SLC38A1: variants seen among roughly 807,000 people sequenced by gnomAD.
The protein encoded by SLC38A1 is sodium-coupled neutral amino acid symporter 1.
A neutral mutation model predicts 60.3 loss-of-function variants in SLC38A1; 18 were observed. That is an observed-to-expected ratio of 0.30 (90% CI 0.21 to 0.44). SLC38A1 has a LOEUF of 0.44. SLC38A1 is among the 20% of genes least tolerant of loss of function. SLC38A1 has a pLI of 1.00. For synonymous variants in SLC38A1, 196 were observed against 212.1 expected (o/e 0.92, Z 0.66); for missense variants, 448 against 587.2 (o/e 0.76, Z 2.45).
At chr12:46,225,238 A>G (rs1243763594) in intron 5 of SLC38A1, among the ~76,000 whole-genome samples, 1 of 152,210 alleles carries the variant, frequency 6.6e-6, no homozygotes, top group Non-Finnish European at 1.5e-5. Context: ...GTTGGGGATA[A>G]TGGAAGGGGT....
In SLC38A1 at chr12:46,268,378, A is replaced by G. The variant is rs964782451; in HGVS notation, c.-209+148T>C. 3.9e-5 allele frequency: 6 copies of G among 152,492 alleles called. No individual in the cohort carries two copies. Among genetic ancestry groups the G allele is most frequent in the South Asian group, 2.0e-4 (1 of 4,894 alleles). 9.4% of individuals were successfully genotyped at this position (152,492 alleles called of 1,614,324 possible). On this transcript the variant is annotated intron_variant, in intron 1 of 16. Transcript: ENST00000398637. The surrounding 1 kb of genome is among the most constrained non-coding windows in gnomAD (Gnocchi z 4.4). Reference sequence around the variant, plus strand: ...AGGAGACCTGGACTTTTCCTCTCCTAAAAGCAACATCCGAAAGCATCGGGC... The same window carrying G: ...AGGAGACCTGGACTTTTCCTCTCCTGAAAGCAACATCCGAAAGCATCGGGC...
At chr12:46,250,831 C>A (rs1011568980) in intron 1 of SLC38A1, among the ~76,000 whole-genome samples, 1 of 152,020 alleles carries the variant, frequency 6.6e-6, no homozygotes, top group South Asian at 2.1e-4. Context: ...TACTGCTCAA[C>A]GAAATAAAAG....
intron 16 of SLC38A1, among the ~76,000 whole-genome samples, chr12:46,190,209 T>C (rs980749379): frequency 2.0e-5 from 3 of 152,196 alleles, no homozygotes; most frequent in African/African-American, 7.2e-5. Flanking sequence ...GTCCTTGTGA[T>C]AGTTTGCTTA....
intron 9 of SLC38A1, among the ~76,000 whole-genome samples, chr12:46,205,380 A>C (rs1170459265): frequency 6.6e-6 from 1 of 152,216 alleles, no homozygotes; most frequent in African/African-American, 2.4e-5. Flanking sequence ...ACTAAGGCTC[A>C]TAATTATTGT....
At position 46,187,780 on chromosome 12, in the gene SLC38A1, G is replaced by C. The variant is rs1230455176; in HGVS notation, c.*1190C>G. The C allele has an allele frequency of 8.7e-6, 1 of 115,316 alleles. No homozygotes were observed. Among genetic ancestry groups the C allele is most frequent in the Non-Finnish European group, 1.8e-5 (1 of 56,228 alleles). The allele number at this position is 115,316 out of a possible 1,614,324, so 7.1% of individuals were successfully genotyped here. ...AGCTCTTCACAAAGACTATCTCTGA[G>C]GGTTTTTTTTTTTTTTTTTTCACAA... On this transcript the variant is annotated 3_prime_UTR_variant, in exon 17 of 17. Coordinates refer to ENST00000398637, the MANE Select transcript of SLC38A1 (RefSeq NM_030674.4).
chr12:46,245,352 T>A (rs1158557508), intron 1 of SLC38A1, among the ~76,000 whole-genome samples: 2 of 152,302 alleles, frequency 1.3e-5, no homozygotes, highest in South Asian at 2.1e-4. Flanking sequence ...GCCACAAGTA[T>A]GTGAAAAGGT....
chr12:46,198,481 C>CCGAG (rs1412009568), intron 14 of SLC38A1, 144 bp downstream of exon 14: 4 of 587,756 alleles, frequency 6.8e-6, no homozygotes, highest in Non-Finnish European at 8.9e-6. Flanking sequence ...AGAGCCTGAA[C>CCGAG]CGAGTCTTGG....
chr12:46,227,066 A>G (rs548539739), intron 5 of SLC38A1, among the ~76,000 whole-genome samples: 96 of 152,296 alleles, frequency 6.3e-4, no homozygotes, highest in African/African-American at 2.2e-3. Context: ...AAAAAAATTA[A>G]CAAAACCTGG....
At chr12:46,239,482 C>G (rs1941369369) in intron 3 of SLC38A1, 197 bp downstream of exon 3, 1 of 456,848 alleles carries the variant, frequency 2.2e-6, no homozygotes. Flanking sequence ...GCACCACATG[C>G]CTGGCTAATT....
rs1939464183 is a variant in SLC38A1, at chr12:46,197,987, AT to A, written c.1195del (p.Ile399TyrfsTer10). ...NLCRHTVVTC[I>X]LLVVINLLVI... ...CAACAAGTTGATAACAACCAAGAGT[AT>A]GCAGGTAACCACGGTATGACGACAT... On this transcript the variant is annotated frameshift_variant, in exon 15 of 17. Transcript: ENST00000398637. LOFTEE classifies it high-confidence loss of function. 6.2e-7 allele frequency: 1 copy of A among 1,613,956 alleles called. No homozygotes were observed. Among genetic ancestry groups the A allele is most frequent in the Non-Finnish European group, 8.5e-7 (1 of 1,179,956 alleles).
At chr12:46,265,206 A>G (rs1479235405) in intron 1 of SLC38A1, among the ~76,000 whole-genome samples, 1 of 152,242 alleles carries the variant, frequency 6.6e-6, no homozygotes, top group East Asian at 1.9e-4. Flanking sequence ...TAGCAAAAGA[A>G]AAAACTGAGG....
At chr12:46,198,524 G>C in intron 14 of SLC38A1, 101 bp downstream of exon 14, 1 of 749,392 alleles carries the variant, frequency 1.3e-6, no homozygotes, top group Non-Finnish European at 2.2e-6. Context: ...AATAACCCAG[G>C]AAAGTTACCT....
chr12:46,189,114 A>G (rs1939035693), intron 16 of SLC38A1, 43 bp from the exon 17 acceptor site: 1 of 1,493,992 alleles, frequency 6.7e-7, no homozygotes, highest in Non-Finnish European at 9.3e-7. Context: ...GTGCAGCAAA[A>G]TTTTTCCACA....
rs111672594 is a variant in SLC38A1, at chr12:46,238,426, G to A, written c.122+1253C>T. On this transcript the variant is annotated intron_variant, in intron 3 of 16. Transcript: ENST00000398637. ...AATCACATACTTTATCAGAATGTAGGCCATCAGAAATGATTTCTACAAAGA... is the reference window on the plus strand; with the variant it reads ...AATCACATACTTTATCAGAATGTAGACCATCAGAAATGATTTCTACAAAGA... 1.6e-3 allele frequency among the ~76,000 whole-genome samples: 246 copies of A among 152,244 alleles called. 1 individual carries two copies. Among genetic ancestry groups the A allele is most frequent in the African/African-American group, 5.5e-3 (227 of 41,530 alleles).
rs1044615991 is a variant in SLC38A1 at position 46,268,630 on chromosome 12, G to A, written c.-313C>T. On this transcript the variant is annotated 5_prime_UTR_variant, in exon 1 of 17. Transcript: ENST00000398637. The surrounding 1 kb of genome is among the most constrained non-coding windows in gnomAD (Gnocchi z 4.4). ...ATGTCCTTTGTGTCAAGGTCTGGCT[G>A]CGGAGGCCGGGAAAATGTGGCCCCC... The A allele has an allele frequency of 1.3e-5, 3 of 237,522 alleles. No homozygotes were observed. The highest frequency in any genetic ancestry group is 6.8e-5 in the African/African-American group (3 of 44,054). 14.7% of individuals were successfully genotyped at this position (237,522 alleles called of 1,614,324 possible). A position where few individuals can be genotyped will look rare whatever the true frequency, so the allele number is the denominator to read the frequency against.
intron 5 of SLC38A1, among the ~76,000 whole-genome samples, chr12:46,210,953 C>T (rs1057102908): frequency 5.3e-5 from 8 of 152,080 alleles, no homozygotes; most frequent in African/African-American, 1.4e-4. Context: ...ATGTGAGAAA[C>T]GGACAGCAAG....
intron 1 of SLC38A1, among the ~76,000 whole-genome samples, chr12:46,256,939 C>T (rs1942050255): frequency 6.6e-6 from 1 of 152,082 alleles, no homozygotes; most frequent in Admixed American, 6.6e-5. Context: ...CATGTGGTGT[C>T]TGGGTAAGAT....
intron 5 of SLC38A1, among the ~76,000 whole-genome samples, chr12:46,212,041 A>T (rs183109519): frequency 1.0e-3 from 155 of 152,370 alleles, no homozygotes; most frequent in African/African-American, 3.6e-3. Flanking sequence ...AGATTCTTAG[A>T]AAGAAGGAAT....
chr12:46,245,058 T>C (rs1484105142), intron 1 of SLC38A1, among the ~76,000 whole-genome samples: 1 of 152,172 alleles, frequency 6.6e-6, no homozygotes, highest in African/African-American at 2.4e-5. Context: ...ATATCATCTA[T>C]AAATATTTCA....
Sources: allele counts gnomAD v4.1 joint callset (sites outside exome capture counted in the v4.1 genomes callset), GRCh38; gene constraint gnomAD v4.1.1; non-coding constraint Gnocchi (gnomAD v3.1); transcripts MANE v1.5; gene names NCBI Gene and HGNC (gene_info 2026-07-23, HGNC 2026-07-21).